The following TMSB4X variants were observed in gnomAD, a reference collection of about 807,000 sequenced individuals.
TMSB4X encodes the protein thymosin beta-4.
TMSB4X carries 1 observed loss-of-function variant against 3.6 expected under a neutral mutation model. The ratio of observed to expected loss-of-function variants is 0.28; its 90% CI spans 0.10 to 1.32. The LOEUF (loss-of-function observed/expected upper bound fraction) is 1.32. Ranked by LOEUF, TMSB4X falls within the 40% of genes most tolerant of loss-of-function variation. The pLI is 0.45. For missense variants in TMSB4X, 6 were observed against 32.7 expected (o/e 0.18, Z 1.99); for synonymous variants, 12 against 14.3 (o/e 0.84, Z 0.36).
Position 12,976,774 on chromosome X carries a change from C to T in TMSB4X, c.101-3C>T, listed in dbSNP as rs752501409. ...TTTTTTTTTTTTTTTTTTCTGGTCACAGCGATTGAACAGGAGAAGCAAGCA... is the reference window on the plus strand; with the variant it reads ...TTTTTTTTTTTTTTTTTTCTGGTCATAGCGATTGAACAGGAGAAGCAAGCA... On this transcript the variant is annotated splice_region_variant and splice_polypyrimidine_tract_variant and intron_variant, in intron 2 of 2. Transcript: ENST00000451311. 3.5e-6 allele frequency: 4 copies of T among 1,150,253 alleles called. No individual in the cohort carries two copies. The highest frequency in any genetic ancestry group is 1.9e-5 in the South Asian group (1 of 52,030). 94.8% of individuals were successfully genotyped at this position (1,150,253 alleles called of 1,213,427 possible). A position where few individuals can be genotyped will look rare whatever the true frequency, so the allele number is the denominator to read the frequency against.
intron 1 of TMSB4X, 133 bp from the exon 2 acceptor site, chrX:12,976,113 G>A (rs777709673): frequency 2.6e-4 from 119 of 463,571 alleles, no homozygotes; most frequent in African/African-American, 2.5e-3. Flanking sequence ...CGTGAGCGCG[G>A]AACGGCAGCA....
Position 12,976,370 on chromosome X carries a change from C to T in TMSB4X, c.100+9C>T, listed in dbSNP as rs767420217. On this transcript the variant is annotated intron_variant, in intron 2 of 2. Transcript: ENST00000451311. ...ACTGCCTTCCAAAGAAAGTGAGCTCCGACCCACCCCCATCTTTAGAAAGGC... is the reference window on the plus strand; with the variant it reads ...ACTGCCTTCCAAAGAAAGTGAGCTCTGACCCACCCCCATCTTTAGAAAGGC... 2.5e-6 allele frequency: 3 copies of T among 1,192,770 alleles called. No individual in the cohort carries two copies. The highest frequency in any genetic ancestry group is 3.4e-6 in the Non-Finnish European group (3 of 879,337).
rs1336634026 is a variant in TMSB4X at position 12,976,381 on chromosome X, C to T, written c.100+20C>T. 1.7e-6 allele frequency: 2 copies of T among 1,153,299 alleles called. No homozygotes were observed. The highest frequency in any genetic ancestry group is 1.8e-5 in the South Asian group (1 of 55,774). On this transcript the variant is annotated intron_variant, in intron 2 of 2. Coordinates refer to ENST00000451311, the MANE Select transcript of TMSB4X (RefSeq NM_021109.4). Reference sequence around the variant, plus strand: ...AAGAAAGTGAGCTCCGACCCACCCCCATCTTTAGAAAGGCTGGGTGGGAGC... The same window carrying T: ...AAGAAAGTGAGCTCCGACCCACCCCTATCTTTAGAAAGGCTGGGTGGGAGC...
chrX:12,976,462 G>C lies in TMSB4X; in HGVS notation c.100+101G>C, dbSNP rs2043296933. On this transcript the variant is annotated intron_variant, in intron 2 of 2. Coordinates refer to ENST00000451311, the MANE Select transcript of TMSB4X (RefSeq NM_021109.4). The stretch of plus-strand genomic sequence containing the variant: ...GCCGCGGGAAGAATTCGGGAGGGGG[G>C]AGTGCGGGGGAAGAGCCGACAGTTG... 5 of 720,193 alleles carry C rather than the reference G, an allele frequency of 6.9e-6. No homozygotes were observed. In the African/African-American group the frequency reaches 8.5e-5, roughly 12 times the overall value. 59.4% of individuals were successfully genotyped at this position (720,193 alleles called of 1,213,427 possible). A position where few individuals can be genotyped will look rare whatever the true frequency, so the allele number is the denominator to read the frequency against.
In TMSB4X at chrX:12,976,452, C is replaced by T. The variant is rs181357235; in HGVS notation, c.100+91C>T. On this transcript the variant is annotated intron_variant, in intron 2 of 2. Coordinates refer to ENST00000451311, the MANE Select transcript of TMSB4X (RefSeq NM_021109.4). Reference sequence around the variant, plus strand: ...GCTGGGAGCGGCCGCGGGAAGAATTCGGGAGGGGGGAGTGCGGGGGAAGAG... The same window carrying T: ...GCTGGGAGCGGCCGCGGGAAGAATTTGGGAGGGGGGAGTGCGGGGGAAGAG... 10 of 718,903 alleles carry T rather than the reference C, an allele frequency of 1.4e-5. No individual in the cohort carries two copies. In the African/African-American group the frequency reaches 1.6e-4, roughly 11 times the overall value. The allele number at this position is 718,903 out of a possible 1,213,427, so 59.2% of individuals were successfully genotyped here.
At chrX:12,976,667 G>GT (rs1334509679) in intron 2 of TMSB4X, 110 bp from the exon 3 acceptor site, 1 of 874,963 alleles carries the variant, frequency 1.1e-6, no homozygotes, top group Non-Finnish European at 1.6e-6. Context: ...GGAATACCGT[G>GT]TAGAATGTTT....
At chrX:12,976,578 C>T (rs2043297611) in intron 2 of TMSB4X, among the ~76,000 whole-genome samples, 199 bp from the exon 3 acceptor site, 1 of 111,600 alleles carries the variant, frequency 9.0e-6, no homozygotes, top group African/African-American at 3.3e-5. Context: ...ATTTAATATG[C>T]CATATTAATA....
At chrX:12,976,728 C>G (rs2043298274) in intron 2 of TMSB4X, 49 bp from the exon 3 acceptor site, 2 of 1,174,745 alleles carry the variant, frequency 1.7e-6, no homozygotes, top group African/African-American at 3.7e-5. Context: ...GTACTGAATC[C>G]TTTAATCATC....
At chrX:12,975,943 A>G (rs2043293619) in intron 1 of TMSB4X, 1 of 159,635 alleles carries the variant, frequency 6.3e-6, no homozygotes, top group South Asian at 2.1e-4. Flanking sequence ...CCAGCCTTTA[A>G]TTTTAAACGC....
chrX:12,975,786 G>C (rs2043292596), intron 1 of TMSB4X: 1 of 114,606 alleles, frequency 8.7e-6, no homozygotes, highest in East Asian at 2.8e-4. Context: ...GAGAGGACTA[G>C]AAAGCCGGAT....
chrX:12,975,368 C>G (rs774571139), intron 1 of TMSB4X, 200 bp downstream of exon 1: 3 of 113,741 alleles, frequency 2.6e-5, no homozygotes. Flanking sequence ...GATTTAAGAA[C>G]AAAACCGAAA....
chrX:12,975,339 A>G (rs769914464), intron 1 of TMSB4X, 171 bp downstream of exon 1: 1 of 113,417 alleles, frequency 8.8e-6, no homozygotes, highest in East Asian at 2.8e-4. Context: ...ATACTGGATA[A>G]TGGGGTGGGG....
intron 2 of TMSB4X, 23 bp downstream of exon 2, chrX:12,976,384 C>A: frequency 9.0e-7 from 1 of 1,116,599 alleles, no homozygotes; most frequent in Non-Finnish European, 1.2e-6. Context: ...CCACCCCCAT[C>A]TTTAGAAAGG....
At position 12,977,140 on chromosome X, in the gene TMSB4X, A is replaced by G; in HGVS notation, c.*329A>G. The G allele has an allele frequency of 4.4e-6, 1 of 227,284 alleles. No homozygotes were observed. Among genetic ancestry groups the G allele is most frequent in the Non-Finnish European group, 8.3e-6 (1 of 120,837 alleles). 18.7% of individuals were successfully genotyped at this position (227,284 alleles called of 1,213,427 possible). On this transcript the variant is annotated 3_prime_UTR_variant, in exon 3 of 3. Transcript: ENST00000451311. ...CTGCAGGCTGTAATGCAGTTTAATC[A>G]GAGTGCCATTTTTTTTTTTGTTCAA... is the stretch of plus-strand genomic sequence containing the variant.
rs2043299125 is a variant in TMSB4X, at chrX:12,976,837, T to C, written c.*26T>C. 8.5e-7 allele frequency: 1 copy of C among 1,176,477 alleles called. No individual in the cohort carries two copies. The highest frequency in any genetic ancestry group is 1.8e-5 in the African/African-American group (1 of 54,977). On this transcript the variant is annotated 3_prime_UTR_variant, in exon 3 of 3. Transcript: ENST00000451311. ...TGAGGCGTGCGCCGCCAATATGCACTGTACATTCCACAAGCATTGCCTTCT... is the reference window on the plus strand; with the variant it reads ...TGAGGCGTGCGCCGCCAATATGCACCGTACATTCCACAAGCATTGCCTTCT...
At chrX:12,976,192 G>A in intron 1 of TMSB4X, 54 bp from the exon 2 acceptor site, 11 of 957,718 alleles carry the variant, frequency 1.1e-5, no homozygotes, top group Admixed American at 2.2e-5. Flanking sequence ...CCAGCCCAGA[G>A]ACAGCGGGGC....
intron 2 of TMSB4X, 116 bp downstream of exon 2, chrX:12,976,477 G>C (rs1396071208): frequency 3.1e-6 from 2 of 647,502 alleles, no homozygotes; most frequent in African/African-American, 4.5e-5. Flanking sequence ...CGGGGGAAGA[G>C]CCGACAGTTG....
In TMSB4X at chrX:12,976,665, G is replaced by T. The variant is rs2043298053; in HGVS notation, c.101-112G>T. 9.5e-6 allele frequency: 8 copies of T among 845,620 alleles called. No individual in the cohort carries two copies. The Admixed American group carries it at 2.3e-4, about 25-fold the overall frequency. The allele number at this position is 845,620 out of a possible 1,213,427, so 69.7% of individuals were successfully genotyped here. A position where few individuals can be genotyped will look rare whatever the true frequency, so the allele number is the denominator to read the frequency against. ...ATATTTTATTCCATTGTGGAATACC[G>T]TGTAGAATGTTTATGATTTGAAAAG... On this transcript the variant is annotated intron_variant, in intron 2 of 2. Transcript: ENST00000451311.
At position 12,977,122 on chromosome X, in the gene TMSB4X, C is replaced by G. The variant is rs2043300836; in HGVS notation, c.*311C>G. 2 of 275,332 alleles carry G rather than the reference C, an allele frequency of 7.3e-6. No homozygotes were observed. Among genetic ancestry groups the G allele is most frequent in the Non-Finnish European group, 1.3e-5 (2 of 152,088 alleles). The allele number at this position is 275,332 out of a possible 1,213,427, so 22.7% of individuals were successfully genotyped here. On this transcript the variant is annotated 3_prime_UTR_variant, in exon 3 of 3. Transcript: ENST00000451311. ...AAGCTGGCCCAAGGTGTCCTGCAGG[C>G]TGTAATGCAGTTTAATCAGAGTGCC...
Sources: gnomAD v4.1 joint callset for allele counts (sites outside exome capture counted in the v4.1 genomes callset) on GRCh38, gnomAD v4.1.1 for gene constraint, MANE v1.5 for transcripts, NCBI Gene and HGNC (gene_info 2026-07-23, HGNC 2026-07-21) for gene names.